The following KCNJ1 variants were observed in gnomAD, a reference collection of about 807,000 sequenced individuals.
KCNJ1 encodes ATP-sensitive inward rectifier potassium channel 1.
In KCNJ1, 24 loss-of-function variants were observed where a neutral mutation model predicts 21.9. The ratio of observed to expected loss-of-function variants is 1.10; its 90% CI spans 0.79 to 1.54. The LOEUF is 1.54. Ranked by LOEUF, KCNJ1 falls within the 40% of genes most tolerant of loss-of-function variation. KCNJ1 has a pLI of 0.00. For missense variants in KCNJ1, 457 were observed against 455.4 expected, an observed-to-expected ratio of 1.00 and a Z score of -0.03; for synonymous variants, 152 against 160.9, an observed-to-expected ratio of 0.94 and a Z score of 0.42.
chr11:128,849,055 A>G (rs1417585889), intron 2 of KCNJ1, among the ~76,000 whole-genome samples: 2 of 152,184 alleles, frequency 1.3e-5, no homozygotes, highest in African/African-American at 4.8e-5. Flanking sequence ...GAGTAGTGGC[A>G]TTCTGGGCCC....
rs192274358 is a variant in KCNJ1 at position 128,848,361 on chromosome 11, A to G, written c.-22+2360T>C. Among the ~76,000 whole-genome samples the G allele has an allele frequency of 3.8e-3, 573 of 148,880 alleles. 2 individuals carry two copies. Among genetic ancestry groups the G allele is most frequent in the African/African-American group, 0.013 (527 of 40,356 alleles). ...ACCATGCCCAGCTGATTTTGTTGTT[A>G]TTATTGTTTTTGCAGAGATGGAGTC... On this transcript the variant is annotated intron_variant, in intron 2 of 2. Transcript: ENST00000392666.
chr11:128,842,915 T>A (rs887380152), intron 2 of KCNJ1, among the ~76,000 whole-genome samples: 2 of 152,190 alleles, frequency 1.3e-5, no homozygotes, highest in Admixed American at 1.3e-4. Flanking sequence ...TAAGTACATA[T>A]TTACAAGACA....
intron 1 of KCNJ1, among the ~76,000 whole-genome samples, chr11:128,866,955 G>A (rs1943828351): frequency 6.6e-6 from 1 of 152,116 alleles, no homozygotes; most frequent in African/African-American, 2.4e-5. Flanking sequence ...GCTGCGGAGT[G>A]ACCCAGGGAA....
At chr11:128,853,843 C>G (rs371673859) in intron 1 of KCNJ1, among the ~76,000 whole-genome samples, 4 of 152,304 alleles carry the variant, frequency 2.6e-5, no homozygotes, top group Middle Eastern at 3.4e-3. Flanking sequence ...CCTGAAGGCA[C>G]CACCATCAGA....
chr11:128,855,589 T>C (rs1055500755), intron 1 of KCNJ1, among the ~76,000 whole-genome samples: 5 of 152,180 alleles, frequency 3.3e-5, no homozygotes, highest in Non-Finnish European at 5.9e-5. Context: ...TATAAGGCGG[T>C]GTAGAGCTGG....
chr11:128,842,533 G>A, intron 2 of KCNJ1: 1 of 1,572,062 alleles, frequency 6.4e-7, no homozygotes, highest in Non-Finnish European at 8.7e-7. Context: ...GCTAATTTGT[G>A]TAAACTTGGA....
chr11:128,853,701 A>T (rs1943520610), intron 1 of KCNJ1, among the ~76,000 whole-genome samples: 1 of 152,198 alleles, frequency 6.6e-6, no homozygotes, highest in East Asian at 1.9e-4. Context: ...ACACATGTAA[A>T]GTGCCTGTCA....
intron 1 of KCNJ1, among the ~76,000 whole-genome samples, chr11:128,854,991 TC>T (rs1565528376): frequency 6.6e-6 from 1 of 152,084 alleles, no homozygotes; most frequent in Non-Finnish European, 1.5e-5. Context: ...GTATCTGGAG[TC>T]AGGCTTGAAT....
intron 1 of KCNJ1, among the ~76,000 whole-genome samples, chr11:128,858,182 T>G (rs1943625056): frequency 6.3e-5 from 9 of 143,382 alleles, no homozygotes; most frequent in South Asian, 2.3e-4. Context: ...TGGCGAGGGA[T>G]GGGGAGGGAT....
chr11:128,839,439 G>A lies in KCNJ1; in HGVS notation c.805C>T (p.Gln269Ter). The A allele has an allele frequency of 6.2e-7, 1 of 1,614,150 alleles. No individual in the cohort carries two copies. The highest frequency in any genetic ancestry group is 1.1e-5 in the South Asian group (1 of 91,084). The change falls in exon 3 of 3, where the codon CAG (glutamine) becomes TAG (stop). Residue 269 changes from glutamine (Q) to a stop codon, truncating the protein, a stop_gained. Transcript: ENST00000392666. LOFTEE classifies it high-confidence loss of function. ...FFHMAAETLL[Q>*]QDFELVVFLD... ...AACACCACTAATTCAAAGTCCTGCT[G>A]GAGAAGGGTCTCCGCTGCCATGTGG... is the stretch of plus-strand genomic sequence containing the variant.
intron 2 of KCNJ1, among the ~76,000 whole-genome samples, chr11:128,848,955 T>G (rs1240802831): frequency 6.6e-6 from 1 of 152,188 alleles, no homozygotes; most frequent in East Asian, 1.9e-4. Context: ...AATGGGCTTC[T>G]GTAGTCTGCT....
At chr11:128,841,653 G>A (rs1943283467) in intron 2 of KCNJ1, among the ~76,000 whole-genome samples, 1 of 152,148 alleles carries the variant, frequency 6.6e-6, no homozygotes, top group Admixed American at 6.5e-5. Context: ...GAACTAGGAA[G>A]CGAAACCAAC....
intron 2 of KCNJ1, among the ~76,000 whole-genome samples, chr11:128,841,389 C>T (rs926611172): frequency 3.9e-5 from 6 of 152,088 alleles, no homozygotes; most frequent in African/African-American, 1.2e-4. Context: ...ATCCTATTTG[C>T]TCAATTGATT....
chr11:128,838,875 A>G lies in KCNJ1; in HGVS notation c.*250T>C. On this transcript the variant is annotated 3_prime_UTR_variant, in exon 3 of 3. Transcript: ENST00000392666. The stretch of plus-strand genomic sequence containing the variant: ...ATATGAGCTCAAATAATCATATTTA[A>G]GATTTCAAGAGAGCACCTATGTCTT... The G allele has an allele frequency of 1.9e-6, 1 of 526,930 alleles. No homozygotes were observed. The highest frequency in any genetic ancestry group is 2.3e-5 in the South Asian group (1 of 42,974). 32.6% of individuals were successfully genotyped at this position (526,930 alleles called of 1,614,324 possible).
At chr11:128,857,694 C>T (rs1943613760) in intron 1 of KCNJ1, among the ~76,000 whole-genome samples, 1 of 152,148 alleles carries the variant, frequency 6.6e-6, no homozygotes, top group Non-Finnish European at 1.5e-5. Flanking sequence ...AAGCAAACAT[C>T]CAGGGATGGT....
intron 1 of KCNJ1, among the ~76,000 whole-genome samples, chr11:128,861,167 G>C (rs758490636): frequency 6.6e-6 from 1 of 152,212 alleles, no homozygotes; most frequent in African/African-American, 2.4e-5. Context: ...TCTGGCTGTT[G>C]GCGTCCCTGG....
chr11:128,842,257 C>A (rs953940745), intron 2 of KCNJ1: 2 of 1,088,970 alleles, frequency 1.8e-6, no homozygotes, highest in African/African-American at 1.5e-5. Context: ...AAGAAGATTT[C>A]TGTAGAGTGA....
intron 2 of KCNJ1, among the ~76,000 whole-genome samples, chr11:128,848,102 C>T (rs527428872): frequency 2.3e-3 from 343 of 152,016 alleles, no homozygotes; most frequent in African/African-American, 8.0e-3. Context: ...TCCTGGCTAA[C>T]ATGGTGAAAC....
rs1206946425 is a variant in KCNJ1 at position 128,839,883 on chromosome 11, C to T, written c.361G>A (p.Val121Met). Residue 121 changes from valine (V) to methionine (M), a missense_variant, in exon 3 of 3, where the codon GTG becomes ATG. Val to Met is a conservative substitution (Grantham distance 21, BLOSUM62 1). Coordinates refer to ENST00000392666, the MANE Select transcript of KCNJ1 (RefSeq NM_153766.3). ...CACCTGAATCCATATCCAATGGTCA[C>T]TTGAGTCTCCAGAGAAAACAGAAAA... ...SAFLFSLETQ[V>M]TIGYGFRCVT... 6.2e-7 allele frequency: 1 copy of T among 1,614,084 alleles called. No individual in the cohort carries two copies. The highest frequency in any genetic ancestry group is 8.5e-7 in the Non-Finnish European group (1 of 1,180,044).
Sources: allele counts gnomAD v4.1 joint callset (sites outside exome capture counted in the v4.1 genomes callset), GRCh38; gene constraint gnomAD v4.1.1; transcripts MANE v1.5; gene names NCBI Gene and HGNC (gene_info 2026-07-23, HGNC 2026-07-21).